The following ILRUN variants were observed in gnomAD, a reference collection of about 807,000 sequenced individuals.
The protein encoded by ILRUN is inflammation and lipid regulator with UBA-like and NBR1-like domains.
In ILRUN, 3 loss-of-function variants were observed where a neutral mutation model predicts 33.8. The ratio of observed to expected loss-of-function variants is 0.09; its 90% CI spans 0.04 to 0.23. The LOEUF is 0.23. Ranked by LOEUF, ILRUN falls within the 10% of genes least tolerant of loss-of-function variation. ILRUN has a pLI of 1.00. For synonymous variants in ILRUN, 124 were observed against 138.9 expected (o/e 0.89, Z 0.75); for missense variants, 210 against 375.1 (o/e 0.56, Z 3.64).
At position 34,646,920 on chromosome 6, in the gene ILRUN, C is replaced by A; in HGVS notation, c.314-122G>T. On this transcript the variant is annotated intron_variant, in intron 2 of 4. Coordinates refer to ENST00000374023, the MANE Select transcript of ILRUN (RefSeq NM_024294.4). The surrounding 1 kb of genome is among the most constrained non-coding windows in gnomAD (Gnocchi z 4.9). ...TCACATACATACATAAACCTAACCA[C>A]ATATACCTAAGCCATATATTGTCTC... 1 of 804,398 alleles carries A rather than the reference C, an allele frequency of 1.2e-6. No individual in the cohort carries two copies. The allele number at this position is 804,398 out of a possible 1,614,324, so 49.8% of individuals were successfully genotyped here.
chr6:34,611,874 A>G (rs2814980), intron 3 of ILRUN, among the ~76,000 whole-genome samples: 89,718 of 151,972 alleles, frequency 0.59, 27,441 homozygotes, highest in African/African-American at 0.75. Context: ...TAACAGGAAC[A>G]TAGGAACCCA....
Position 34,590,310 on chromosome 6 carries a change from T to C in ILRUN, c.*255A>G. ...TAATGACTTGTTAGACTGATGCCTA[T>C]AACAAAACCCAAAGTGGCTGCATGG... On this transcript the variant is annotated 3_prime_UTR_variant, in exon 5 of 5. Transcript: ENST00000374023. 2.9e-6 allele frequency: 1 copy of C among 339,580 alleles called. No individual in the cohort carries two copies. Among genetic ancestry groups the C allele is most frequent in the East Asian group, 4.6e-5 (1 of 21,860 alleles). The allele number at this position is 339,580 out of a possible 1,614,324, so 21.0% of individuals were successfully genotyped here.
chr6:34,690,072 T>C (rs1177766530), intron 1 of ILRUN, among the ~76,000 whole-genome samples: 9 of 152,188 alleles, frequency 5.9e-5, no homozygotes. Flanking sequence ...TAAGTTAATG[T>C]ATAAAAATCT....
chr6:34,614,840 T>G (rs1241256229), intron 3 of ILRUN, among the ~76,000 whole-genome samples: 3 of 152,194 alleles, frequency 2.0e-5, no homozygotes, highest in Non-Finnish European at 2.9e-5. Context: ...CTCTGTGGTA[T>G]TCTTTCTAAA....
Position 34,696,481 on chromosome 6 carries a change from A to G in ILRUN, c.123T>C (p.Pro41=). The change falls in exon 1 of 5, where the codon CCT becomes CCC. Residue 41 remains proline, a synonymous_variant. Coordinates refer to ENST00000374023, the MANE Select transcript of ILRUN (RefSeq NM_024294.4). ...FQRLLGFQLN[P]AGCAFFLDMT... ...TGTCCAGGAAGAAGGCGCAACCGGC[A>G]GGATTGAGCTGGAAGCCGAGCAGCC... The G allele has an allele frequency of 6.2e-7, 1 of 1,607,760 alleles. No individual in the cohort carries two copies. The highest frequency in any genetic ancestry group is 8.5e-7 in the Non-Finnish European group (1 of 1,177,684).
intron 1 of ILRUN, among the ~76,000 whole-genome samples, chr6:34,675,307 C>T (rs1215359753): frequency 6.6e-6 from 1 of 151,778 alleles, no homozygotes; most frequent in Non-Finnish European, 1.5e-5. Flanking sequence ...AAAACAACAA[C>T]AAAAAAGGTG....
At chr6:34,595,000 G>A (rs540774430) in intron 4 of ILRUN, among the ~76,000 whole-genome samples, 2 of 152,288 alleles carry the variant, frequency 1.3e-5, no homozygotes, top group African/African-American at 4.8e-5. Context: ...GTAATTACAG[G>A]CATGAGCCAC....
rs1478605405 is a variant in ILRUN at position 34,590,635 on chromosome 6, C to T, written c.862-35G>A. On this transcript the variant is annotated intron_variant, in intron 4 of 4. Coordinates refer to ENST00000374023, the MANE Select transcript of ILRUN (RefSeq NM_024294.4). ...AGTGAAGATAGTCAGTGATGGTACA[C>T]ATAGCAGTGCAACTTGACAACCAAA... 2.8e-6 allele frequency: 4 copies of T among 1,451,564 alleles called. No homozygotes were observed. The African/African-American group carries it at 5.6e-5, about 20-fold the overall frequency. The allele number at this position is 1,451,564 out of a possible 1,614,324, so 89.9% of individuals were successfully genotyped here. A position where few individuals can be genotyped will look rare whatever the true frequency, so the allele number is the denominator to read the frequency against.
chr6:34,694,907 C>A (rs945311270), intron 1 of ILRUN, among the ~76,000 whole-genome samples: 1 of 151,966 alleles, frequency 6.6e-6, no homozygotes. Context: ...AAAAATTAGC[C>A]GGGCGAGGTG....
intron 1 of ILRUN, among the ~76,000 whole-genome samples, chr6:34,683,518 A>ATCTGTG (rs376986115): frequency 1.0e-5 from 1 of 99,632 alleles, no homozygotes; most frequent in Non-Finnish European, 1.9e-5. Context: ...ATATATACAT[A>ATCTGTG]TATATATATA....
intron 3 of ILRUN, among the ~76,000 whole-genome samples, chr6:34,635,542 A>AG (rs1762345163): frequency 1.5e-5 from 2 of 136,884 alleles, no homozygotes; most frequent in East Asian, 2.7e-4. Context: ...AAAAAAAGAA[A>AG]GAAAGGAAGG....
intron 3 of ILRUN, among the ~76,000 whole-genome samples, chr6:34,637,792 C>CA (rs1186317425): frequency 6.6e-6 from 1 of 152,086 alleles, no homozygotes; most frequent in Non-Finnish European, 1.5e-5. Context: ...CACATATATG[C>CA]ATTTTAGAGG....
chr6:34,687,654 C>T (rs2127389181), intron 1 of ILRUN, among the ~76,000 whole-genome samples: 1 of 146,328 alleles, frequency 6.8e-6, no homozygotes, highest in Non-Finnish European at 1.5e-5. Context: ...GCCGAGATTG[C>T]ACCACTGCAC....
intron 4 of ILRUN, among the ~76,000 whole-genome samples, chr6:34,605,237 C>A (rs1281557939): frequency 1.4e-5 from 2 of 143,632 alleles, no homozygotes; most frequent in Non-Finnish European, 3.0e-5. Flanking sequence ...ACCCGGGAGG[C>A]AGAGGTTGCA....
At position 34,623,969 on chromosome 6, in the gene ILRUN, G is replaced by A. The variant is rs60182377; in HGVS notation, c.512-17065C>T. The stretch of plus-strand genomic sequence containing the variant: ...GCCTCAGCCTCCCAAGTAGCTGGGA[G>A]CACAGGTGCCTGTCACCACGCCCAG... On this transcript the variant is annotated intron_variant, in intron 3 of 4. Transcript: ENST00000374023. Among the ~76,000 whole-genome samples, 396 of 151,812 alleles carry A rather than the reference G, an allele frequency of 2.6e-3. 14 individuals are homozygous for A. The East Asian group carries it at 0.072, about 28-fold the overall frequency.
At chr6:34,677,239 G>A (rs1313119050) in intron 1 of ILRUN, among the ~76,000 whole-genome samples, 10 of 151,938 alleles carry the variant, frequency 6.6e-5, no homozygotes, top group African/African-American at 1.5e-4. Flanking sequence ...CCCAGGAGGC[G>A]GAGGCTGCAA....
chr6:34,670,087 ATTT>A (rs746746587), intron 1 of ILRUN, among the ~76,000 whole-genome samples: 1 of 151,930 alleles, frequency 6.6e-6, no homozygotes, highest in African/African-American at 2.4e-5. Context: ...AATTTTTTGT[ATTT>A]TTAGTAGAGA....
chr6:34,609,363 G>A (rs550279191), intron 3 of ILRUN, among the ~76,000 whole-genome samples: 2 of 152,258 alleles, frequency 1.3e-5, no homozygotes, highest in South Asian at 2.1e-4. Context: ...GGTGGTGCAC[G>A]CCTGTAGTCT....
intron 4 of ILRUN, among the ~76,000 whole-genome samples, chr6:34,594,603 C>G (rs1293453702): frequency 6.6e-6 from 1 of 152,188 alleles, no homozygotes; most frequent in African/African-American, 2.4e-5. Flanking sequence ...TTTGCCTCAG[C>G]TTTCCCTAAG....
Sources: gnomAD v4.1 joint callset for allele counts (sites outside exome capture counted in the v4.1 genomes callset) on GRCh38, gnomAD v4.1.1 for gene constraint, Gnocchi (gnomAD v3.1) non-coding constraint, MANE v1.5 for transcripts, NCBI Gene and HGNC (gene_info 2026-07-23, HGNC 2026-07-21) for gene names.